Variants in TBCA observed in about 807,000 individuals in gnomAD.
TBCA encodes the protein tubulin-specific chaperone A.
In TBCA, 6 loss-of-function variants were observed where a neutral mutation model predicts 15.8. The observed-to-expected ratio is 0.38, with a 90% confidence interval of 0.21 to 0.75. The LOEUF (loss-of-function observed/expected upper bound fraction) is 0.75. TBCA is among the 30% of genes least tolerant of loss of function. TBCA has a pLI of 0.46. For missense variants in TBCA, 90 were observed against 131.2 expected, an observed-to-expected ratio of 0.69 and a Z score of 1.53; for synonymous variants, 32 against 42.3, an observed-to-expected ratio of 0.76 and a Z score of 0.94.
At chr5:77,761,114 C>T (rs532822757) in intron 1 of TBCA, among the ~76,000 whole-genome samples, 1 of 152,212 alleles carries the variant, frequency 6.6e-6, no homozygotes, top group South Asian at 2.1e-4. Flanking sequence ...AGCCTTTCTG[C>T]AGGTGTACCC....
chr5:77,740,503 A>C (rs1033279463), intron 1 of TBCA, among the ~76,000 whole-genome samples: 1 of 152,212 alleles, frequency 6.6e-6, no homozygotes, highest in African/African-American at 2.4e-5. Flanking sequence ...GAGAAGCCAA[A>C]GATAACTGGG....
intron 1 of TBCA, among the ~76,000 whole-genome samples, chr5:77,727,792 T>C (rs1472961524): frequency 6.6e-6 from 1 of 152,112 alleles, no homozygotes; most frequent in Admixed American, 6.5e-5. Flanking sequence ...TATAATAAAA[T>C]AGTAAAAGAA....
intron 1 of TBCA, 24 bp downstream of exon 1, chr5:77,776,181 A>G: frequency 6.4e-7 from 1 of 1,554,036 alleles, no homozygotes; most frequent in Non-Finnish European, 8.7e-7. Context: ...GAGGAGGTGC[A>G]GGGCGCCGCT....
At chr5:77,712,029 T>C (rs988843139) in intron 1 of TBCA, among the ~76,000 whole-genome samples, 1 of 151,766 alleles carries the variant, frequency 6.6e-6, no homozygotes, top group African/African-American at 2.4e-5. Context: ...TGTAAAATTA[T>C]AGTGAATAAA....
Position 77,752,748 on chromosome 5 carries a change from C to T in TBCA, c.53+23457G>A, listed in dbSNP as rs1392133573. Among the ~76,000 whole-genome samples the T allele has an allele frequency of 1.3e-4, 14 of 110,474 alleles. 1 individual carries two copies. The East Asian group carries it at 4.3e-3, about 34-fold the overall frequency. 72.5% of individuals were successfully genotyped at this position (110,474 alleles called of 152,430 possible). A position where few individuals can be genotyped will look rare whatever the true frequency, so the allele number is the denominator to read the frequency against. On this transcript the variant is annotated intron_variant, in intron 1 of 3. Transcript: ENST00000380377. The stretch of plus-strand genomic sequence containing the variant: ...TAATTTTTTGTATTTTTAGTAGAGA[C>T]GGGGTTTCACCTTGTTAGCCAGGAT...
intron 1 of TBCA, among the ~76,000 whole-genome samples, chr5:77,738,353 C>T (rs1291121263): frequency 1.3e-5 from 2 of 152,148 alleles, no homozygotes; most frequent in Non-Finnish European, 2.9e-5. Context: ...CTGACCTTTG[C>T]TATATATATG....
At chr5:77,707,761 T>A (rs762462261) in intron 2 of TBCA, among the ~76,000 whole-genome samples, 1 of 151,988 alleles carries the variant, frequency 6.6e-6, no homozygotes, top group African/African-American at 2.4e-5. Flanking sequence ...ATAATTAATA[T>A]AAGATTAGTC....
At chr5:77,723,575 G>A (rs1048718618) in intron 1 of TBCA, among the ~76,000 whole-genome samples, 3 of 151,770 alleles carry the variant, frequency 2.0e-5, no homozygotes, top group African/African-American at 7.3e-5. Flanking sequence ...TAACCTACTG[G>A]ACTACTTGTT....
chr5:77,744,301 G>A (rs1248901050), intron 1 of TBCA, among the ~76,000 whole-genome samples: 1 of 152,028 alleles, frequency 6.6e-6, no homozygotes, highest in African/African-American at 2.4e-5. Flanking sequence ...TGTGTAGTGA[G>A]GGTTCTACTA....
At chr5:77,709,576 T>A (rs1466770207) in intron 1 of TBCA, among the ~76,000 whole-genome samples, 2 of 152,196 alleles carry the variant, frequency 1.3e-5, no homozygotes, top group African/African-American at 4.8e-5. Context: ...CCATCAAACA[T>A]TGCTGGATGG....
intron 2 of TBCA, among the ~76,000 whole-genome samples, chr5:77,704,192 A>C (rs1746091917): frequency 6.6e-6 from 1 of 152,100 alleles, no homozygotes; most frequent in Non-Finnish European, 1.5e-5. Flanking sequence ...GCTAGTCTCA[A>C]ATTCTGGGCT....
chr5:77,774,864 G>A (rs1027409783), intron 1 of TBCA, among the ~76,000 whole-genome samples: 1 of 151,410 alleles, frequency 6.6e-6, no homozygotes, highest in African/African-American at 2.4e-5. Flanking sequence ...GTTTGTGAAA[G>A]GAAAAATAAA....
At position 77,753,857 on chromosome 5, in the gene TBCA, C is replaced by T. The variant is rs142990675; in HGVS notation, c.53+22348G>A. On this transcript the variant is annotated intron_variant, in intron 1 of 3. Coordinates refer to ENST00000380377, the MANE Select transcript of TBCA (RefSeq NM_004607.3). ...TACTGCAACCTCTGCCTCCTGGGTT[C>T]AAGTGATTCTCCTGCTTCAGCCTCA... is the stretch of plus-strand genomic sequence containing the variant. 5.4e-3 allele frequency among the ~76,000 whole-genome samples: 817 copies of T among 152,280 alleles called. 2 individuals carry two copies. Among genetic ancestry groups the T allele is most frequent in the African/African-American group, 0.018 (765 of 41,534 alleles).
At chr5:77,738,019 C>T (rs947943107) in intron 1 of TBCA, among the ~76,000 whole-genome samples, 1 of 152,170 alleles carries the variant, frequency 6.6e-6, no homozygotes, top group Non-Finnish European at 1.5e-5. Flanking sequence ...AACAAGAAAA[C>T]CCCATATATC....
intron 1 of TBCA, among the ~76,000 whole-genome samples, chr5:77,728,796 T>C (rs974851244): frequency 6.6e-6 from 1 of 152,114 alleles, no homozygotes; most frequent in African/African-American, 2.4e-5. Flanking sequence ...AGTAGGTCTC[T>C]ATGTCTCATA....
At chr5:77,717,527 T>C (rs1477984189) in intron 1 of TBCA, among the ~76,000 whole-genome samples, 2 of 152,352 alleles carry the variant, frequency 1.3e-5, no homozygotes, top group South Asian at 2.1e-4. Context: ...CTTAAAACAG[T>C]GTAAACTTGT....
intron 3 of TBCA, chr5:77,692,878 A>G (rs1745786455): frequency 1.7e-6 from 2 of 1,154,580 alleles, no homozygotes; most frequent in Non-Finnish European, 2.1e-6. Context: ...AGATCCTTTT[A>G]ATAAGATCCC....
chr5:77,727,522 C>T (rs1448264482), intron 1 of TBCA, among the ~76,000 whole-genome samples: 1 of 151,932 alleles, frequency 6.6e-6, no homozygotes, highest in Non-Finnish European at 1.5e-5. Context: ...AACAGAAAAG[C>T]AATTATATTT....
intron 1 of TBCA, among the ~76,000 whole-genome samples, chr5:77,763,076 T>C (rs1173176786): frequency 6.6e-6 from 1 of 152,094 alleles, no homozygotes; most frequent in African/African-American, 2.4e-5. Flanking sequence ...ACCCCGTCTC[T>C]ACTAAAAATA....
Sources: gnomAD v4.1 joint callset for allele counts (sites outside exome capture counted in the v4.1 genomes callset) on GRCh38, gnomAD v4.1.1 for gene constraint, MANE v1.5 for transcripts, NCBI Gene and HGNC (gene_info 2026-07-23, HGNC 2026-07-21) for gene names.